The following ZNF609 variants were observed in gnomAD, a reference collection of about 807,000 sequenced individuals.
ZNF609 encodes the protein zinc finger protein 609.
ZNF609 carries 11 observed loss-of-function variants against 109.5 expected under a neutral mutation model. That is an observed-to-expected ratio of 0.10 (90% CI 0.06 to 0.17). The LOEUF is 0.17. Ranked by LOEUF, ZNF609 falls within the 10% of genes least tolerant of loss-of-function variation. ZNF609 has a pLI of 1.00. For synonymous variants in ZNF609, 646 were observed against 662.0 expected, an observed-to-expected ratio of 0.98 and a Z score of 0.37; for missense variants, 1,559 against 1,772.4, an observed-to-expected ratio of 0.88 and a Z score of 2.16.
intron 2 of ZNF609, among the ~76,000 whole-genome samples, chr15:64,534,172 C>T (rs547930402): frequency 2.3e-4 from 34 of 150,138 alleles, no homozygotes; most frequent in Non-Finnish European, 3.8e-4. Flanking sequence ...CTGCCACACC[C>T]GGCTAATTTT....
intron 2 of ZNF609, among the ~76,000 whole-genome samples, chr15:64,580,556 C>CT (rs66976954): frequency 0.72 from 104,516 of 144,228 alleles, 38,699 homozygotes; most frequent in East Asian, 0.95. Flanking sequence ...CTTTTCTTTT[C>CT]TTTTTTTTTT....
At chr15:64,600,175 G>A (rs1053461313) in intron 2 of ZNF609, among the ~76,000 whole-genome samples, 1 of 152,182 alleles carries the variant, frequency 6.6e-6, no homozygotes, top group Non-Finnish European at 1.5e-5. Context: ...AATTAGCCAG[G>A]TGAGGTGGCT....
At chr15:64,590,037 T>C (rs564938833) in intron 2 of ZNF609, among the ~76,000 whole-genome samples, 3 of 152,242 alleles carry the variant, frequency 2.0e-5, no homozygotes, top group African/African-American at 7.2e-5. Flanking sequence ...AGAGCTGAAT[T>C]TGGGCTGGAT....
At position 64,593,355 on chromosome 15, in the gene ZNF609, G is replaced by A. The variant is rs552719562; in HGVS notation, c.748-29472G>A. Reference sequence around the variant, plus strand: ...GGTGAGTTCTTAAAGACTGAAGACAGGCTATTCTCTGGAGAAAAATAAAAT... The same window carrying A: ...GGTGAGTTCTTAAAGACTGAAGACAAGCTATTCTCTGGAGAAAAATAAAAT... On this transcript the variant is annotated intron_variant, in intron 2 of 9. Transcript: ENST00000326648. The A allele has an allele frequency of 3.8e-5, 42 of 1,109,420 alleles. No homozygotes were observed. The East Asian group carries it at 9.4e-4, about 25-fold the overall frequency. 68.7% of individuals were successfully genotyped at this position (1,109,420 alleles called of 1,614,324 possible).
rs1216181598 is a variant in ZNF609 at position 64,528,874 on chromosome 15, C to T, written c.747+28708C>T. The T allele has an allele frequency of 6.2e-6, 6 of 961,336 alleles. No homozygotes were observed. In the African/African-American group the frequency reaches 8.0e-5, roughly 13 times the overall value. The allele number at this position is 961,336 out of a possible 1,614,324, so 59.6% of individuals were successfully genotyped here. A position where few individuals can be genotyped will look rare whatever the true frequency, so the allele number is the denominator to read the frequency against. ...AGCCCAGGATGCTCTTGAGGGGGCC[C>T]TCCGATGCCTACTTCACCACCTTCT... On this transcript the variant is annotated intron_variant, in intron 2 of 9. Transcript: ENST00000326648.
chr15:64,508,919 C>T (rs551530831), intron 2 of ZNF609, among the ~76,000 whole-genome samples: 2 of 152,116 alleles, frequency 1.3e-5, no homozygotes, highest in South Asian at 2.1e-4. Context: ...GTCTTGAACT[C>T]CTAACTTCAA....
At position 64,675,318 on chromosome 15, in the gene ZNF609, C is replaced by G. The variant is rs746131723; in HGVS notation, c.2464C>G (p.Leu822Val). The G allele has an allele frequency of 6.2e-7, 1 of 1,614,144 alleles. No homozygotes were observed. Among genetic ancestry groups the G allele is most frequent in the Admixed American group, 1.7e-5 (1 of 60,014 alleles). Reference sequence around the variant, plus strand: ...TGAAAACACTACCCCTACTCAGCCCCTGACTCCCTTACATGTGGTGACCCA... The same window carrying G: ...TGAAAACACTACCCCTACTCAGCCCGTGACTCCCTTACATGTGGTGACCCA... ...RLENTTPTQP[L>V]TPLHVVTQNG... The change falls in exon 5 of 10, where the codon CTG (leucine) becomes GTG (valine). Residue 822 changes from leucine (L) to valine (V), a missense_variant. Around this residue, in one of 4 missense-constraint regions of ZNF609, gnomAD observed 1,204 missense variants for 1,314.1 expected, o/e 0.92. Coordinates refer to ENST00000326648, the MANE Select transcript of ZNF609 (RefSeq NM_015042.2).
intron 2 of ZNF609, among the ~76,000 whole-genome samples, chr15:64,602,716 C>CTTTTTTTTTTTT (rs10600561): frequency 2.2e-4 from 12 of 55,572 alleles, no homozygotes; most frequent in African/African-American, 5.3e-4. Context: ...TTTTTTCTTT[C>CTTTTTTTTTTTT]TTTTTTTTTT....
chr15:64,617,778 C>T (rs1174179879), intron 2 of ZNF609, among the ~76,000 whole-genome samples: 1 of 152,072 alleles, frequency 6.6e-6, no homozygotes, highest in Non-Finnish European at 1.5e-5. Context: ...GAAACTCCAT[C>T]TCAAAAAACA....
At chr15:64,603,935 T>C (rs1387932542) in intron 2 of ZNF609, among the ~76,000 whole-genome samples, 1 of 142,028 alleles carries the variant, frequency 7.0e-6, no homozygotes, top group African/African-American at 2.6e-5. Flanking sequence ...GAGGTAAAGG[T>C]TGCAGTAAGC....
intron 1 of ZNF609, among the ~76,000 whole-genome samples, chr15:64,497,649 C>T (rs992863297): frequency 4.6e-5 from 7 of 152,050 alleles, no homozygotes; most frequent in Non-Finnish European, 8.8e-5. Context: ...TACCTGTAAT[C>T]CCAACACTTT....
At chr15:64,585,310 G>A (rs1422027051) in intron 2 of ZNF609, among the ~76,000 whole-genome samples, 1 of 152,080 alleles carries the variant, frequency 6.6e-6, no homozygotes, top group Non-Finnish European at 1.5e-5. Flanking sequence ...GGGTGACAGA[G>A]CGAGACTCTG....
intron 2 of ZNF609, among the ~76,000 whole-genome samples, chr15:64,586,876 C>G (rs1269738667): frequency 1.3e-5 from 2 of 152,114 alleles, no homozygotes; most frequent in African/African-American, 4.8e-5. Flanking sequence ...TAGTTTTAAC[C>G]TTTCCCATAT....
At chr15:64,677,988 CA>C in intron 5 of ZNF609, 127 bp from the exon 6 acceptor site, 2 of 1,321,426 alleles carry the variant, frequency 1.5e-6, no homozygotes, top group Non-Finnish European at 1.0e-6. Flanking sequence ...CAGTAGAGGC[CA>C]AAATCCTACT....
intron 2 of ZNF609, among the ~76,000 whole-genome samples, chr15:64,604,914 C>T (rs1415126133): frequency 6.6e-6 from 1 of 152,160 alleles, no homozygotes; most frequent in East Asian, 1.9e-4. Context: ...TCACTGCAAA[C>T]TCCACCTCCC....
intron 1 of ZNF609, among the ~76,000 whole-genome samples, chr15:64,483,399 T>G (rs1023155861): frequency 1.3e-5 from 2 of 151,774 alleles, no homozygotes; most frequent in African/African-American, 4.8e-5. Context: ...TGGCCTCTTT[T>G]TTTTTGAGGC....
At position 64,675,340 on chromosome 15, in the gene ZNF609, C is replaced by G. The variant is rs761775154; in HGVS notation, c.2486C>G (p.Thr829Ser). The change falls in exon 5 of 10, where the codon ACC (threonine) becomes AGC (serine). Residue 829 changes from threonine (T) to serine (S), a missense_variant. Around this residue, in one of 4 missense-constraint regions of ZNF609, gnomAD observed 1,204 missense variants for 1,314.1 expected, o/e 0.92. Transcript: ENST00000326648. ...TQPLTPLHVV[T>S]QNGAEASSVK... is the part of the protein sequence containing the mutation. ...CCCCTGACTCCCTTACATGTGGTGA[C>G]CCAGAATGGAGCTGAAGCCAGCTCA... is the stretch of plus-strand genomic sequence containing the variant. 1.2e-5 allele frequency: 19 copies of G among 1,613,780 alleles called. No homozygotes were observed. The highest frequency in any genetic ancestry group is 1.4e-5 in the Non-Finnish European group (16 of 1,179,872).
chr15:64,587,633 G>A (rs756213184), intron 2 of ZNF609, among the ~76,000 whole-genome samples: 2 of 152,112 alleles, frequency 1.3e-5, no homozygotes, highest in Non-Finnish European at 2.9e-5. Context: ...CTGTGGTCAG[G>A]CACAGCACTA....
intron 2 of ZNF609, among the ~76,000 whole-genome samples, chr15:64,552,693 A>G (rs1307917041): frequency 6.6e-6 from 1 of 152,184 alleles, no homozygotes; most frequent in Non-Finnish European, 1.5e-5. Context: ...TGTGTGGCTC[A>G]GGCTGGAGTG....
Sources: gnomAD v4.1 joint callset for allele counts (sites outside exome capture counted in the v4.1 genomes callset) on GRCh38, gnomAD v4.1.1 for gene constraint, gnomAD v4.1.1 regional missense constraint, MANE v1.5 for transcripts, NCBI Gene and HGNC (gene_info 2026-07-23, HGNC 2026-07-21) for gene names.